NR2C2: variants seen among roughly 807,000 people sequenced by gnomAD.
NR2C2 encodes Nuclear hormone receptor TR4.
Under a neutral mutation model 62.9 loss-of-function variants are expected in NR2C2, and 6 were observed. The observed-to-expected ratio is 0.10, with a 90% CI of 0.05 to 0.19. The LOEUF is 0.19. Ranked by LOEUF, NR2C2 falls within the 10% of genes least tolerant of loss-of-function variation. NR2C2 has a pLI of 1.00. For missense variants in NR2C2, 479 were observed against 762.7 expected (o/e 0.63, Z 4.38); for synonymous variants, 272 against 273.8 (o/e 0.99, Z 0.07).
chr3:15,021,012 C>A lies in NR2C2; in HGVS notation c.556+80C>A. On this transcript the variant is annotated intron_variant, in intron 5 of 13. Transcript: ENST00000425241. ...GAGTCCATTAAATAAGGTTTCTATA[C>A]CTGGCCTTAAAATACTTTAAGAAAA... The A allele has an allele frequency of 2.2e-6, 3 of 1,369,756 alleles. 1 individual carries two copies. Among genetic ancestry groups the A allele is most frequent in the South Asian group, 2.7e-5 (2 of 75,110 alleles). The allele number at this position is 1,369,756 out of a possible 1,614,324, so 84.9% of individuals were successfully genotyped here.
chr3:15,002,477 A>C (rs6442492), intron 1 of NR2C2, among the ~76,000 whole-genome samples: 1 of 151,404 alleles, frequency 6.6e-6, no homozygotes, highest in African/African-American at 2.4e-5. Context: ...GGTTTGCTAG[A>C]GTTTTGTAGA....
intron 5 of NR2C2, among the ~76,000 whole-genome samples, chr3:15,021,247 C>T (rs1157348956): frequency 6.6e-6 from 1 of 152,124 alleles, no homozygotes; most frequent in East Asian, 1.9e-4. Context: ...TAAGAGAGAG[C>T]TATGATGCCT....
chr3:15,029,515 A>G (rs57896129), intron 8 of NR2C2, among the ~76,000 whole-genome samples: 5,540 of 152,236 alleles, frequency 0.036, 356 homozygotes, highest in African/African-American at 0.12. Flanking sequence ...TACCGTGGAA[A>G]GTGGGTGGGA....
At chr3:14,975,855 GA>G (rs1191151944) in intron 1 of NR2C2, among the ~76,000 whole-genome samples, 9 of 152,054 alleles carry the variant, frequency 5.9e-5, no homozygotes, top group African/African-American at 2.2e-4. Context: ...TCCTTTTTTG[GA>G]AAGTTTTTGA....
intron 3 of NR2C2, 107 bp from the exon 4 acceptor site, chr3:15,016,045 A>G: frequency 1.3e-6 from 1 of 783,960 alleles, no homozygotes. Context: ...CAAGTGATCC[A>G]CCCACCTCAG....
intron 1 of NR2C2, among the ~76,000 whole-genome samples, chr3:14,960,966 T>C (rs2039673539): frequency 6.6e-6 from 1 of 152,232 alleles, no homozygotes. Flanking sequence ...GTTTTTTTCT[T>C]GTAGAAACAA....
Position 15,038,106 on chromosome 3 carries a change from A to C in NR2C2, c.1479A>C (p.Ala493=). Residue 493 remains alanine (A), a synonymous_variant, in exon 12 of 14, where the codon GCA becomes GCC. Transcript: ENST00000425241. ...AKLDIDGYEY[A]YLKAIVLFSP... is the part of the protein sequence containing the mutation. ...TGGATATAGATGGCTATGAGTATGC[A>C]TACCTTAAAGCTATAGTTCTCTTTA... 1.2e-6 allele frequency: 2 copies of C among 1,614,100 alleles called. No individual in the cohort carries two copies. The highest frequency in any genetic ancestry group is 1.1e-5 in the South Asian group (1 of 91,058).
At chr3:14,979,502 A>G (rs1247347921) in intron 1 of NR2C2, among the ~76,000 whole-genome samples, 12 of 152,240 alleles carry the variant, frequency 7.9e-5, no homozygotes, top group Admixed American at 6.5e-4. Context: ...AGTAAATGCT[A>G]TAAAGAAAAG....
intron 1 of NR2C2, among the ~76,000 whole-genome samples, chr3:14,982,841 C>T (rs534062009): frequency 8.4e-4 from 128 of 152,220 alleles, no homozygotes; most frequent in Non-Finnish European, 7.8e-4. Context: ...CCTTGTTCCT[C>T]ATCTTAAAAG....
intron 1 of NR2C2, among the ~76,000 whole-genome samples, chr3:14,983,952 G>A (rs540775811): frequency 2.6e-5 from 4 of 152,128 alleles, no homozygotes; most frequent in East Asian, 1.9e-4. Context: ...GCAATGGCGC[G>A]ATCTTGGCTC....
intron 1 of NR2C2, among the ~76,000 whole-genome samples, chr3:14,999,281 A>G (rs2040918967): frequency 6.6e-6 from 1 of 152,172 alleles, no homozygotes; most frequent in African/African-American, 2.4e-5. Flanking sequence ...GCACCATTGC[A>G]CTCCAGCCTG....
intron 1 of NR2C2, among the ~76,000 whole-genome samples, chr3:14,954,420 G>T (rs1177954592): frequency 6.6e-6 from 1 of 152,058 alleles, no homozygotes; most frequent in Non-Finnish European, 1.5e-5. Flanking sequence ...ACATCAAAAG[G>T]CATGTGTGAA....
intron 6 of NR2C2, 54 bp from the exon 7 acceptor site, chr3:15,024,061 A>G: frequency 1.7e-6 from 2 of 1,186,502 alleles, no homozygotes; most frequent in South Asian, 2.5e-5. Context: ...CAGCATGATC[A>G]TACTGTGCAT....
intron 1 of NR2C2, among the ~76,000 whole-genome samples, chr3:14,976,177 T>C (rs982951889): frequency 6.6e-6 from 1 of 152,226 alleles, no homozygotes; most frequent in African/African-American, 2.4e-5. Flanking sequence ...TAATTGTTCA[T>C]AGTACTAGTT....
At chr3:14,982,676 C>T (rs184313463) in intron 1 of NR2C2, among the ~76,000 whole-genome samples, 95 of 152,156 alleles carry the variant, frequency 6.2e-4, no homozygotes, top group Non-Finnish European at 1.2e-3. Context: ...CTTGCTCTTA[C>T]GAATTCTAAT....
intron 1 of NR2C2, among the ~76,000 whole-genome samples, chr3:14,979,847 A>G (rs2040313468): frequency 6.6e-6 from 1 of 152,130 alleles, no homozygotes; most frequent in African/African-American, 2.4e-5. Context: ...TTTATTTCAC[A>G]TAAAATATAT....
In NR2C2 at chr3:15,043,037, C is replaced by A; in HGVS notation, c.*29C>A. 6.2e-7 allele frequency: 1 copy of A among 1,607,646 alleles called. No individual in the cohort carries two copies. The highest frequency in any genetic ancestry group is 8.5e-7 in the Non-Finnish European group (1 of 1,175,920). The stretch of plus-strand genomic sequence containing the variant: ...AAACCACACACCTGCCAAGGAGCAA[C>A]AGAATCCTTCCAGGACCGTTCACAT... On this transcript the variant is annotated 3_prime_UTR_variant, in exon 14 of 14. Coordinates refer to ENST00000425241, the MANE Select transcript of NR2C2 (RefSeq NM_001291694.2).
At chr3:15,009,971 T>G (rs1426609662) in intron 2 of NR2C2, among the ~76,000 whole-genome samples, 1 of 152,228 alleles carries the variant, frequency 6.6e-6, no homozygotes, top group East Asian at 1.9e-4. Flanking sequence ...AGTCATTGAA[T>G]TAGGGCCCAC....
chr3:14,960,497 A>G (rs188350779), intron 1 of NR2C2, among the ~76,000 whole-genome samples: 3 of 152,188 alleles, frequency 2.0e-5, no homozygotes, highest in Admixed American at 6.6e-5. Context: ...ATTGTCATCT[A>G]TAAAATCCAC....
Sources: gnomAD v4.1 joint callset for allele counts (sites outside exome capture counted in the v4.1 genomes callset) on GRCh38, gnomAD v4.1.1 for gene constraint, MANE v1.5 for transcripts, NCBI Gene and HGNC (gene_info 2026-07-23, HGNC 2026-07-21) for gene names.